The following GNRH1 variants were observed in gnomAD, a reference collection of about 807,000 sequenced individuals.
The protein encoded by GNRH1 is gonadotropin releasing hormone 1.
GNRH1 carries 9 observed loss-of-function variants against 13.6 expected under a neutral mutation model. The observed-to-expected ratio is 0.66, with a 90% confidence interval of 0.40 to 1.15. GNRH1 has a LOEUF of 1.15. Ranked by LOEUF, GNRH1 falls within the 50% of genes most tolerant of loss-of-function variation. The pLI is 0.01. For missense variants in GNRH1, 116 were observed against 110.8 expected, an observed-to-expected ratio of 1.05 and a Z score of -0.21; for synonymous variants, 44 against 40.1, an observed-to-expected ratio of 1.10 and a Z score of -0.37.
At chr8:25,423,476 A>G in intron 1 of GNRH1, 145 bp from the exon 2 acceptor site, 2 of 708,028 alleles carry the variant, frequency 2.8e-6, no homozygotes, top group Non-Finnish European at 4.9e-6. Flanking sequence ...ACAGACACTG[A>G]AACTCAGAGA....
At chr8:25,423,927 C>T (rs950743581) in intron 1 of GNRH1, 1 of 152,386 alleles carries the variant, frequency 6.6e-6, no homozygotes, top group Non-Finnish European at 1.5e-5. Context: ...GCCAAGGGGG[C>T]CTCTAATTTT....
At position 25,419,285 on chromosome 8, in the gene GNRH1, G is replaced by T; in HGVS notation, c.*134C>A. ...CATTCACAACACAGCACTTTATTATGGAATATGTGCAACTTGGTGTAAGGA... is the reference window on the plus strand; with the variant it reads ...CATTCACAACACAGCACTTTATTATTGAATATGTGCAACTTGGTGTAAGGA... On this transcript the variant is annotated 3_prime_UTR_variant, in exon 4 of 4. Coordinates refer to ENST00000421054, the MANE Select transcript of GNRH1 (RefSeq NM_001083111.2). 1.4e-6 allele frequency: 1 copy of T among 719,360 alleles called. No individual in the cohort carries two copies. The highest frequency in any genetic ancestry group is 1.5e-5 in the South Asian group (1 of 68,540). 44.6% of individuals were successfully genotyped at this position (719,360 alleles called of 1,614,324 possible).
At chr8:25,424,359 T>C (rs951062223), upstream of GNRH1, 1 of 151,778 alleles carries the variant, frequency 6.6e-6, no homozygotes, top group African/African-American at 2.4e-5. Flanking sequence ...GACTATGCTT[T>C]TTTTTTTTTA....
At chr8:25,422,594 T>A (rs932948467) in intron 2 of GNRH1, among the ~76,000 whole-genome samples, 9 of 152,152 alleles carry the variant, frequency 5.9e-5, no homozygotes, top group African/African-American at 2.2e-4. Flanking sequence ...CACGTTAGTG[T>A]TGGTGCCAGT....
chr8:25,422,061 T>A (rs1007750496), intron 2 of GNRH1, among the ~76,000 whole-genome samples: 4 of 152,202 alleles, frequency 2.6e-5, no homozygotes, highest in Admixed American at 2.6e-4. Context: ...TCAATGAGAT[T>A]TGCTTCATGT....
Position 25,419,409 on chromosome 8 carries a change from C to T in GNRH1, c.*10G>A. 7.0e-7 allele frequency: 1 copy of T among 1,426,330 alleles called. No individual in the cohort carries two copies. The highest frequency in any genetic ancestry group is 9.9e-7 in the Non-Finnish European group (1 of 1,008,684). 88.4% of individuals were successfully genotyped at this position (1,426,330 alleles called of 1,614,324 possible). On this transcript the variant is annotated 3_prime_UTR_variant, in exon 4 of 4. Transcript: ENST00000421054. ...TGTTAGTAATGGTCATTCCTTCTGGCCCAATGGATTTAAATCTTCTTCTGC... is the reference window on the plus strand; with the variant it reads ...TGTTAGTAATGGTCATTCCTTCTGGTCCAATGGATTTAAATCTTCTTCTGC...
In GNRH1 at chr8:25,421,638, T is replaced by A. The variant is rs1202956007; in HGVS notation, c.172A>T (p.Thr58Ser). ...IVKEVGQLAE[T>S]QRFECTTHQP... ...TGCGTGGTGCATTCGAAGCGTTGGG[T>A]TTCTGCCAGTTGACCAACCTCTTTG... The change falls in exon 3 of 4, where the codon ACC (threonine) becomes TCC (serine). Residue 58 changes from threonine (T) to serine (S), a missense_variant. Physicochemically the swap from Thr to Ser is moderately conservative, Grantham distance 58. Transcript: ENST00000421054. The A allele has an allele frequency of 4.4e-6, 7 of 1,601,732 alleles. No homozygotes were observed. The East Asian group carries it at 6.7e-5, about 15-fold the overall frequency.
chr8:25,421,098 A>G (rs1011887572), intron 3 of GNRH1, among the ~76,000 whole-genome samples: 25 of 151,222 alleles, frequency 1.7e-4, no homozygotes, highest in South Asian at 6.3e-4. Flanking sequence ...CAAAGAAGAG[A>G]AAAAAAAACC....
intron 2 of GNRH1, among the ~76,000 whole-genome samples, chr8:25,421,888 G>T (rs1198349170): frequency 6.6e-6 from 1 of 151,936 alleles, no homozygotes; most frequent in African/African-American, 2.4e-5. Context: ...GAGACAGTAA[G>T]AAGATATCAT....
chr8:25,423,459 TTTACA>T (rs1801802807), intron 1 of GNRH1, 128 bp from the exon 2 acceptor site: 2 of 813,252 alleles, frequency 2.5e-6, no homozygotes. Flanking sequence ...AGAGTCAGTT[TTTACA>T]TACAGACACT....
At chr8:25,424,313 T>G (rs1220096477), upstream of GNRH1, 1 of 152,040 alleles carries the variant, frequency 6.6e-6, no homozygotes, top group East Asian at 1.9e-4. Flanking sequence ...TCCAGGACAT[T>G]GAAATCTTTC....
chr8:25,419,574 T>C lies in GNRH1; in HGVS notation c.238-114A>G, dbSNP rs1054428297. On this transcript the variant is annotated intron_variant, in intron 3 of 3. Transcript: ENST00000421054. ...TGGAAGGAATTGGTCTGTTTGATTTTGTGCTCTAGTTAGTGCTAGGGAGAC... is the reference window on the plus strand; with the variant it reads ...TGGAAGGAATTGGTCTGTTTGATTTCGTGCTCTAGTTAGTGCTAGGGAGAC... The C allele has an allele frequency of 5.9e-5, 43 of 730,448 alleles. No homozygotes were observed. In the African/African-American group the frequency reaches 7.5e-4, roughly 13 times the overall value. 45.2% of individuals were successfully genotyped at this position (730,448 alleles called of 1,614,324 possible).
intron 3 of GNRH1, among the ~76,000 whole-genome samples, chr8:25,419,747 T>C (rs952813949): frequency 2.6e-5 from 4 of 151,872 alleles, no homozygotes; most frequent in African/African-American, 7.3e-5. Flanking sequence ...TCAGCCTCTC[T>C]AGTAGTTGGG....
upstream of GNRH1, chr8:25,424,618 A>C (rs1195165062): frequency 6.6e-6 from 1 of 152,238 alleles, no homozygotes; most frequent in Non-Finnish European, 1.5e-5. Flanking sequence ...ATGCATACAT[A>C]ACTTCCACAA....
At chr8:25,420,889 T>C (rs540402195) in intron 3 of GNRH1, among the ~76,000 whole-genome samples, 1 of 152,228 alleles carries the variant, frequency 6.6e-6, no homozygotes, top group Admixed American at 6.5e-5. Context: ...CAAGATCCTG[T>C]CTCAACAAAT....
At chr8:25,424,985 T>C (rs968567852), upstream of GNRH1, among the ~76,000 whole-genome samples, 2 of 152,198 alleles carry the variant, frequency 1.3e-5, no homozygotes, top group African/African-American at 4.8e-5. Context: ...AGATGCTTAT[T>C]GAGTTAAATA....
At chr8:25,423,474 T>G (rs1453947741) in intron 1 of GNRH1, 143 bp from the exon 2 acceptor site, 1 of 721,250 alleles carries the variant, frequency 1.4e-6, no homozygotes, top group Non-Finnish European at 2.4e-6. Context: ...ATACAGACAC[T>G]GAAACTCAGA....
chr8:25,422,345 G>A (rs1227992246), intron 2 of GNRH1, among the ~76,000 whole-genome samples: 3 of 152,046 alleles, frequency 2.0e-5, no homozygotes, highest in Non-Finnish European at 4.4e-5. Flanking sequence ...CCAGGAGTTT[G>A]AGACCAGCCT....
Position 25,421,654 on chromosome 8 carries a change from A to G in GNRH1, c.156T>C (p.Val52=). Residue 52 remains valine, a synonymous_variant, in exon 3 of 4, where the codon GTT becomes GTC. Coordinates refer to ENST00000421054, the MANE Select transcript of GNRH1 (RefSeq NM_001083111.2). ...AGCGTTGGGTTTCTGCCAGTTGACC[A>G]ACCTCTTTGACTATCTGAAGAAAGA... ...IDSFQEIVKE[V]GQLAETQRFE... 6.4e-7 allele frequency: 1 copy of G among 1,571,304 alleles called. No individual in the cohort carries two copies. The highest frequency in any genetic ancestry group is 8.7e-7 in the Non-Finnish European group (1 of 1,143,240).
Sources: gnomAD v4.1 joint callset for allele counts (sites outside exome capture counted in the v4.1 genomes callset) on GRCh38, gnomAD v4.1.1 for gene constraint, MANE v1.5 for transcripts, NCBI Gene and HGNC (gene_info 2026-07-23, HGNC 2026-07-21) for gene names.